The following CACNA2D3 variants were observed in gnomAD, a reference collection of about 807,000 sequenced individuals.
The protein encoded by CACNA2D3 is calcium voltage-gated channel auxiliary subunit alpha2delta 3.
Under a neutral mutation model 160.6 loss-of-function variants are expected in CACNA2D3, and 60 were observed. That is an observed-to-expected ratio of 0.37 (90% CI 0.30 to 0.46). The LOEUF is 0.46. Ranked by LOEUF, CACNA2D3 falls within the 20% of genes least tolerant of loss-of-function variation. The pLI, the probability that CACNA2D3 is intolerant of heterozygous loss-of-function variation, is 1.00. For missense variants in CACNA2D3, 1,205 were observed against 1,365.0 expected (o/e 0.88, Z 1.85); for synonymous variants, 558 against 492.9 (o/e 1.13, Z -1.75).
chr3:54,795,333 C>T (rs576009106), intron 13 of CACNA2D3, among the ~76,000 whole-genome samples: 4 of 152,128 alleles, frequency 2.6e-5, no homozygotes, highest in Non-Finnish European at 5.9e-5. Context: ...TAAATTTTAG[C>T]AGCTAATTTA....
chr3:54,140,547 A>T (rs1576952945), intron 2 of CACNA2D3, among the ~76,000 whole-genome samples: 1 of 152,306 alleles, frequency 6.6e-6, no homozygotes, highest in Admixed American at 6.5e-5. Flanking sequence ...AACACTTGGG[A>T]CCAACTAAGG....
intron 27 of CACNA2D3, among the ~76,000 whole-genome samples, chr3:54,915,938 G>A (rs1429336263): frequency 6.6e-6 from 1 of 152,146 alleles, no homozygotes; most frequent in East Asian, 1.9e-4. Context: ...TATAAGTGTT[G>A]ACAAGCAAGG....
At chr3:55,031,589 T>C (rs2107176995) in intron 35 of CACNA2D3, among the ~76,000 whole-genome samples, 1 of 152,328 alleles carries the variant, frequency 6.6e-6, no homozygotes. Context: ...GAATTTTTTC[T>C]TTCTCTTTAG....
intron 21 of CACNA2D3, among the ~76,000 whole-genome samples, chr3:54,882,413 A>G (rs1308823518): frequency 1.3e-5 from 2 of 152,094 alleles, no homozygotes; most frequent in Admixed American, 6.5e-5. Context: ...ACATACATGC[A>G]TGGAGACACA....
At chr3:54,774,518 G>T (rs1021239242) in intron 13 of CACNA2D3, among the ~76,000 whole-genome samples, 1 of 151,986 alleles carries the variant, frequency 6.6e-6, no homozygotes, top group Non-Finnish European at 1.5e-5. Context: ...CTCCCAGCAG[G>T]CCACTTCTCC....
chr3:54,741,709 C>T (rs1701653001), intron 11 of CACNA2D3, among the ~76,000 whole-genome samples: 1 of 151,984 alleles, frequency 6.6e-6, no homozygotes, highest in South Asian at 2.1e-4. Flanking sequence ...CTTGGTGGTC[C>T]ACTGGACAAT....
At chr3:54,882,483 A>G (rs1699824196) in intron 21 of CACNA2D3, among the ~76,000 whole-genome samples, 1 of 152,120 alleles carries the variant, frequency 6.6e-6, no homozygotes, top group Middle Eastern at 3.2e-3. Flanking sequence ...ATCTTCCTGT[A>G]TGTTCCACAG....
chr3:54,745,066 G>A (rs1452801708), intron 11 of CACNA2D3, among the ~76,000 whole-genome samples: 1 of 152,234 alleles, frequency 6.6e-6, no homozygotes, highest in Non-Finnish European at 1.5e-5. Flanking sequence ...TTGTCATGAA[G>A]GAAGAAGTAT....
intron 27 of CACNA2D3, among the ~76,000 whole-genome samples, chr3:54,956,045 C>A (rs1333572831): frequency 6.6e-6 from 1 of 152,188 alleles, no homozygotes; most frequent in African/African-American, 2.4e-5. Flanking sequence ...TGCCGTCCGC[C>A]CCTCCTTAAT....
At chr3:54,321,942 A>AAAG (rs67058049) in intron 3 of CACNA2D3, among the ~76,000 whole-genome samples, 1 of 151,378 alleles carries the variant, frequency 6.6e-6, no homozygotes, top group Non-Finnish European at 1.5e-5. Context: ...AAAAAAAAAA[A>AAAG]CTAGTAACAG....
intron 13 of CACNA2D3, among the ~76,000 whole-genome samples, chr3:54,794,800 G>C (rs76263492): frequency 6.6e-6 from 1 of 151,874 alleles, no homozygotes; most frequent in Non-Finnish European, 1.5e-5. Flanking sequence ...AAACCTATGT[G>C]CCTTTATTTT....
At chr3:54,812,531 C>G (rs1337048062) in intron 13 of CACNA2D3, among the ~76,000 whole-genome samples, 1 of 152,218 alleles carries the variant, frequency 6.6e-6, no homozygotes, top group Non-Finnish European at 1.5e-5. Flanking sequence ...CACCATCCAC[C>G]TGATACACCA....
chr3:55,011,321 C>G (rs1320732200), intron 34 of CACNA2D3, among the ~76,000 whole-genome samples: 1 of 152,210 alleles, frequency 6.6e-6, no homozygotes, highest in Non-Finnish European at 1.5e-5. Context: ...TTTTGCTCCT[C>G]CCTGCTGGGT....
rs75175559 is a variant in CACNA2D3 at position 54,408,813 on chromosome 3, C to T, written c.381+22039C>T. On this transcript the variant is annotated intron_variant, in intron 4 of 37. Coordinates refer to ENST00000474759, the MANE Select transcript of CACNA2D3 (RefSeq NM_018398.3). ...TACTTCCTATCTTGTTAATTTTTTT[C>T]ACATAAGTGTCCATTTGTTGCTTAA... Among the ~76,000 whole-genome samples the T allele has an allele frequency of 3.7e-3, 557 of 152,212 alleles. 2 individuals are homozygous for T. Among genetic ancestry groups the T allele is most frequent in the Non-Finnish European group, 6.3e-3 (427 of 68,010 alleles).
Position 54,642,118 on chromosome 3 carries a change from C to T in CACNA2D3, c.1054-10C>T, listed in dbSNP as rs1260018088. 1.1e-5 allele frequency: 18 copies of T among 1,571,854 alleles called. No individual in the cohort carries two copies. In the East Asian group the frequency reaches 4.0e-4, roughly 35 times the overall value. ...TATGTATACTATTTTGAACTTATTT[C>T]TTTCCCTAGTTCAACCACACGGGAC... is the stretch of plus-strand genomic sequence containing the variant. On this transcript the variant is annotated splice_polypyrimidine_tract_variant and intron_variant, in intron 10 of 37. Transcript: ENST00000474759.
At chr3:54,526,483 C>T (rs1348829250) in intron 5 of CACNA2D3, among the ~76,000 whole-genome samples, 3 of 152,018 alleles carry the variant, frequency 2.0e-5, no homozygotes, top group African/African-American at 2.4e-5. Flanking sequence ...CTCTGGGGTT[C>T]GTTATTGTTA....
intron 2 of CACNA2D3, among the ~76,000 whole-genome samples, chr3:54,181,137 G>T (rs935962633): frequency 3.3e-5 from 5 of 152,128 alleles, no homozygotes; most frequent in Non-Finnish European, 7.3e-5. Context: ...TGTGAAAAAG[G>T]GTTTGGTTGC....
At chr3:54,535,963 G>A (rs1309778144) in intron 5 of CACNA2D3, among the ~76,000 whole-genome samples, 1 of 152,176 alleles carries the variant, frequency 6.6e-6, no homozygotes, top group African/African-American at 2.4e-5. Context: ...AGGCTAAAAG[G>A]TTATCTGTTG....
chr3:54,388,473 A>G (rs1699226472), intron 4 of CACNA2D3, among the ~76,000 whole-genome samples: 1 of 152,194 alleles, frequency 6.6e-6, no homozygotes, highest in African/African-American at 2.4e-5. Context: ...TTTAGGCATA[A>G]TACTCAACAT....
Sources: allele counts gnomAD v4.1 joint callset (sites outside exome capture counted in the v4.1 genomes callset), GRCh38; gene constraint gnomAD v4.1.1; transcripts MANE v1.5; gene names NCBI Gene and HGNC (gene_info 2026-07-23, HGNC 2026-07-21).